SCTR: variants seen among roughly 807,000 people sequenced by gnomAD.
The protein encoded by SCTR is pancreatic secretin receptor.
Under a neutral mutation model 60.8 loss-of-function variants are expected in SCTR, and 56 were observed. The observed-to-expected ratio is 0.92, with a 90% CI of 0.74 to 1.15. SCTR has a LOEUF of 1.15. Among genes scored for constraint, SCTR ranks in the 50% most tolerant of loss-of-function variants. SCTR has a pLI of 0.00. For missense variants in SCTR, 562 were observed against 550.4 expected (o/e 1.02, Z -0.21); for synonymous variants, 202 against 217.0 (o/e 0.93, Z 0.61).
At chr2:119,451,270 G>A (rs892326576) in intron 9 of SCTR, among the ~76,000 whole-genome samples, 15 of 152,272 alleles carry the variant, frequency 9.9e-5, no homozygotes, top group African/African-American at 3.6e-4. Context: ...ATTCCTGTGT[G>A]TCCCCATGTG....
intron 1 of SCTR, among the ~76,000 whole-genome samples, chr2:119,517,941 A>T (rs1036605638): frequency 1.3e-5 from 2 of 152,168 alleles, no homozygotes; most frequent in Admixed American, 6.5e-5. Flanking sequence ...AATTAAGGTT[A>T]AACAGCATTG....
intron 7 of SCTR, 115 bp downstream of exon 7, chr2:119,461,732 A>AT: frequency 7.5e-6 from 5 of 668,220 alleles, no homozygotes; most frequent in Non-Finnish European, 1.1e-5. Flanking sequence ...AAAAAAAAAA[A>AT]GATTACACAA....
At chr2:119,441,045 A>C (rs926766369) in intron 12 of SCTR, among the ~76,000 whole-genome samples, 12 of 152,216 alleles carry the variant, frequency 7.9e-5, no homozygotes, top group African/African-American at 2.9e-4. Context: ...TCGAGTCCTC[A>C]AAGTGAGTGT....
intron 12 of SCTR, among the ~76,000 whole-genome samples, chr2:119,440,699 G>A (rs892471419): frequency 6.6e-6 from 1 of 152,130 alleles, no homozygotes; most frequent in African/African-American, 2.4e-5. Flanking sequence ...TGTGGGTAGG[G>A]CAAGGCCTGA....
intron 1 of SCTR, among the ~76,000 whole-genome samples, chr2:119,504,690 G>C (rs1289996359): frequency 6.6e-6 from 1 of 152,020 alleles, no homozygotes. Flanking sequence ...GGCACCAAAA[G>C]CATGATCCAT....
chr2:119,450,526 CAAAA>C (rs1233507672), intron 9 of SCTR, among the ~76,000 whole-genome samples: 9 of 143,322 alleles, frequency 6.3e-5, no homozygotes, highest in Non-Finnish European at 1.4e-4. Context: ...AAGTGAAAAA[CAAAA>C]AACAAAAAAA....
chr2:119,497,130 G>T (rs1418312004), intron 1 of SCTR, among the ~76,000 whole-genome samples: 1 of 152,082 alleles, frequency 6.6e-6, no homozygotes, highest in Non-Finnish European at 1.5e-5. Flanking sequence ...CTAATGGAGA[G>T]TTGGGGTTTC....
chr2:119,471,221 T>C (rs560350589), intron 4 of SCTR, among the ~76,000 whole-genome samples: 1 of 152,216 alleles, frequency 6.6e-6, no homozygotes, highest in Non-Finnish European at 1.5e-5. Flanking sequence ...TACAAAGCCT[T>C]CTTATGAACC....
At chr2:119,523,967 T>G (rs1053657211) in intron 1 of SCTR, among the ~76,000 whole-genome samples, 188 bp downstream of exon 1, 3 of 152,116 alleles carry the variant, frequency 2.0e-5, no homozygotes, top group African/African-American at 7.2e-5. Flanking sequence ...GATGTTTTTC[T>G]TTGGGAAAGG....
At chr2:119,496,244 A>G (rs1678340586) in intron 1 of SCTR, among the ~76,000 whole-genome samples, 1 of 152,258 alleles carries the variant, frequency 6.6e-6, no homozygotes, top group African/African-American at 2.4e-5. Context: ...TTAGAAATTA[A>G]CATGACTCTC....
chr2:119,469,015 G>A (rs560535322), intron 4 of SCTR, among the ~76,000 whole-genome samples: 23 of 152,154 alleles, frequency 1.5e-4, no homozygotes, highest in Admixed American at 8.5e-4. Context: ...GGTGGCCTTC[G>A]ATAGGAAGGC....
chr2:119,512,513 C>T (rs1314566998), intron 1 of SCTR, among the ~76,000 whole-genome samples: 2 of 152,162 alleles, frequency 1.3e-5, no homozygotes, highest in Non-Finnish European at 2.9e-5. Flanking sequence ...TCTCCTGCCT[C>T]AGCCTCCCGA....
Position 119,464,258 on chromosome 2 carries a change from G to A in SCTR, c.504-3C>T. 2.5e-6 allele frequency: 4 copies of A among 1,614,146 alleles called. No individual in the cohort carries two copies. The highest frequency in any genetic ancestry group is 3.4e-6 in the Non-Finnish European group (4 of 1,179,992). On this transcript the variant is annotated splice_polypyrimidine_tract_variant and splice_region_variant and intron_variant, in intron 5 of 12. Coordinates refer to ENST00000019103, the MANE Select transcript of SCTR (RefSeq NM_002980.3). Reference sequence around the variant, plus strand: ...AGTTGCGAGTGCAGTGGAGCCTCCTGCAGGGAGAGAATGTAGGGACATAGA... The same window carrying A: ...AGTTGCGAGTGCAGTGGAGCCTCCTACAGGGAGAGAATGTAGGGACATAGA...
intron 2 of SCTR, among the ~76,000 whole-genome samples, chr2:119,492,830 T>A (rs2579657): frequency 0.72 from 107,172 of 149,024 alleles, 40,078 homozygotes; most frequent in East Asian, 0.88. Flanking sequence ...TTTACTTTTT[T>A]AATATTTATT....
Position 119,446,833 on chromosome 2 carries a change from TGTA to T in SCTR, c.1063_1065del (p.Tyr355del). On this transcript the variant is annotated inframe_deletion, in exon 11 of 13. Coordinates refer to ENST00000019103, the MANE Select transcript of SCTR (RefSeq NM_002980.3). ...TCCTCTGGGGAGAAGGCGAAGACGA[TGTA>T]GTGGATGCCAAAGAGGGGGATCAGC... 6.3e-7 allele frequency: 1 copy of T among 1,582,898 alleles called. No homozygotes were observed.
Position 119,506,490 on chromosome 2 carries a change from T to A in SCTR, c.73-11942A>T, listed in dbSNP as rs143936802. 9.1e-4 allele frequency among the ~76,000 whole-genome samples: 138 copies of A among 151,996 alleles called. 1 individual carries two copies. The highest frequency in any genetic ancestry group is 3.0e-3 in the African/African-American group (126 of 41,474). ...TTATAATATTTATTTATTTATTTAT[T>A]TATCTTTTAGAGACAGGGTCTCGCT... is the stretch of plus-strand genomic sequence containing the variant. On this transcript the variant is annotated intron_variant, in intron 1 of 12. Transcript: ENST00000019103.
At chr2:119,509,386 G>A (rs1678860682) in intron 1 of SCTR, among the ~76,000 whole-genome samples, 1 of 152,178 alleles carries the variant, frequency 6.6e-6, no homozygotes, top group African/African-American at 2.4e-5. Flanking sequence ...AAACTCCAGG[G>A]CGGTATCAAT....
chr2:119,448,935 C>T (rs1683036149), intron 9 of SCTR, among the ~76,000 whole-genome samples, 155 bp from the exon 10 acceptor site: 1 of 152,168 alleles, frequency 6.6e-6, no homozygotes, highest in Non-Finnish European at 1.5e-5. Flanking sequence ...ATCCCCTCCC[C>T]ACCCCCAGTC....
chr2:119,469,582 C>T (rs1193818525), intron 4 of SCTR, among the ~76,000 whole-genome samples: 1 of 152,272 alleles, frequency 6.6e-6, no homozygotes, highest in East Asian at 1.9e-4. Context: ...CCTCAACCTC[C>T]CAGGCTCAAG....
Sources: allele counts gnomAD v4.1 joint callset (sites outside exome capture counted in the v4.1 genomes callset), GRCh38; gene constraint gnomAD v4.1.1; transcripts MANE v1.5; gene names NCBI Gene and HGNC (gene_info 2026-07-23, HGNC 2026-07-21).